The following THRAP3 variants were observed in gnomAD, a reference collection of about 807,000 sequenced individuals.
THRAP3 encodes the protein thyroid hormone receptor-associated protein 3.
In THRAP3, 16 loss-of-function variants were observed where a neutral mutation model predicts 101.0. The observed-to-expected ratio is 0.16, with a 90% CI of 0.11 to 0.24. The LOEUF is 0.24. THRAP3 is among the 10% of genes least tolerant of loss of function. The pLI is 1.00. For missense variants in THRAP3, 989 were observed against 1,202.7 expected, an observed-to-expected ratio of 0.82 and a Z score of 2.63; for synonymous variants, 407 against 422.6, an observed-to-expected ratio of 0.96 and a Z score of 0.45.
At position 36,289,638 on chromosome 1, in the gene THRAP3, A is replaced by C. The variant is rs1241368025; in HGVS notation, c.1619A>C (p.Lys540Thr). 6.2e-7 allele frequency: 1 copy of C among 1,614,088 alleles called. No homozygotes were observed. Among genetic ancestry groups the C allele is most frequent in the South Asian group, 1.1e-5 (1 of 91,078 alleles). Reference protein sequence around the residue: ...QEKSSSPPPRKTSESRDKLGA... With the variant: ...QEKSSSPPPRTTSESRDKLGA... ...AAAAGCTCATCACCTCCCCCAAGAA[A>C]GACCTCTGAGAGCCGAGACAAGCTG... Residue 540 changes from lysine to threonine, a missense_variant, in exon 5 of 12, where the codon AAG becomes ACG. Coordinates refer to ENST00000354618, the MANE Select transcript of THRAP3 (RefSeq NM_005119.4).
intron 1 of THRAP3, among the ~76,000 whole-genome samples, chr1:36,232,955 A>ACCACTG (rs1553190948): frequency 1.3e-5 from 2 of 149,640 alleles, no homozygotes; most frequent in South Asian, 2.1e-4. Context: ...GCTCACTGCA[A>ACCACTG]CCTCCCAGAT....
chr1:36,282,313 A>G (rs1332544943), intron 2 of THRAP3, among the ~76,000 whole-genome samples: 1 of 151,212 alleles, frequency 6.6e-6, no homozygotes, highest in Non-Finnish European at 1.5e-5. Context: ...AGCTCACTGT[A>G]ACTTTGCACT....
At chr1:36,265,098 C>T (rs998995461) in intron 2 of THRAP3, among the ~76,000 whole-genome samples, 5 of 152,138 alleles carry the variant, frequency 3.3e-5, no homozygotes, top group African/African-American at 1.2e-4. Flanking sequence ...TAGGACTTCC[C>T]ATATATGATT....
chr1:36,282,668 A>T lies in THRAP3; in HGVS notation c.105A>T (p.Arg35=). The change falls in exon 3 of 12, where the codon CGA becomes CGT. Residue 35 remains arginine, a synonymous_variant. Transcript: ENST00000354618. ...TTTCGAAGTCTCGGTCCCGAAGCCG[A>T]TCTCTCTCTCGTTCAAGGAAGCGCA... The part of the protein sequence containing the change: ...RSFSKSRSRS[R]SLSRSRKRRL... 6.2e-7 allele frequency: 1 copy of T among 1,614,106 alleles called. No individual in the cohort carries two copies. The highest frequency in any genetic ancestry group is 8.5e-7 in the Non-Finnish European group (1 of 1,180,004).
Position 36,305,183 on chromosome 1 carries a change from C to G in THRAP3, c.*1166C>G, listed in dbSNP as rs768051606. The G allele has an allele frequency of 9.1e-6, 2 of 219,180 alleles. No homozygotes were observed. The highest frequency in any genetic ancestry group is 1.8e-5 in the Non-Finnish European group (2 of 109,356). 13.6% of individuals were successfully genotyped at this position (219,180 alleles called of 1,614,324 possible). ...TTATATGCGGACTGCACCCACCTCT[C>G]CCCCCCAGCCTTTGCCTCTTGCGTT... On this transcript the variant is annotated 3_prime_UTR_variant, in exon 12 of 12. Transcript: ENST00000354618.
intron 1 of THRAP3, among the ~76,000 whole-genome samples, chr1:36,228,137 T>C (rs962499474): frequency 6.6e-6 from 1 of 151,430 alleles, no homozygotes; most frequent in African/African-American, 2.4e-5. Context: ...ACCTCTGTCT[T>C]CCAGGTTCAA....
chr1:36,234,231 C>T (rs1483316962), intron 1 of THRAP3, among the ~76,000 whole-genome samples: 6 of 152,152 alleles, frequency 3.9e-5, no homozygotes, highest in Admixed American at 3.3e-4. Flanking sequence ...CCACCACACC[C>T]GGCCAACATT....
At chr1:36,264,420 G>A (rs1441892358) in intron 2 of THRAP3, among the ~76,000 whole-genome samples, 1 of 152,214 alleles carries the variant, frequency 6.6e-6, no homozygotes, top group Non-Finnish European at 1.5e-5. Context: ...GGAATGGGTG[G>A]CAGAGCCAAG....
intron 1 of THRAP3, among the ~76,000 whole-genome samples, chr1:36,242,614 G>C (rs1176575961): frequency 6.6e-6 from 1 of 151,838 alleles, no homozygotes; most frequent in South Asian, 2.1e-4. Flanking sequence ...CACCACGCTC[G>C]GCTAATTTTT....
Position 36,244,031 on chromosome 1 carries a change from C to G in THRAP3, c.-134-15351C>G, listed in dbSNP as rs1445805173. ...TGGCCGGGCGGGGGGCTGACCCCCC[C>G]ACCTCCCTCCCGGACGGGGCGGCTG... is the stretch of plus-strand genomic sequence containing the variant. On this transcript the variant is annotated intron_variant, in intron 1 of 11. Coordinates refer to ENST00000354618, the MANE Select transcript of THRAP3 (RefSeq NM_005119.4). Among the ~76,000 whole-genome samples, 6 of 141,128 alleles carry G rather than the reference C, an allele frequency of 4.3e-5. No homozygotes were observed. The East Asian group carries it at 6.8e-4, about 16-fold the overall frequency. 92.6% of individuals were successfully genotyped at this position (141,128 alleles called of 152,430 possible).
At chr1:36,284,219 T>C (rs1474640062) in intron 3 of THRAP3, among the ~76,000 whole-genome samples, 2 of 152,236 alleles carry the variant, frequency 1.3e-5, no homozygotes, top group African/African-American at 4.8e-5. Context: ...GGCAGTTCTT[T>C]TCTCCTTGTT....
At chr1:36,249,412 C>T (rs1250693450) in intron 1 of THRAP3, among the ~76,000 whole-genome samples, 1 of 152,004 alleles carries the variant, frequency 6.6e-6, no homozygotes, top group East Asian at 1.9e-4. Flanking sequence ...AGGATGATCT[C>T]CATCTCCTGA....
Position 36,304,221 on chromosome 1 carries a change from A to G in THRAP3, c.*204A>G, listed in dbSNP as rs1646067722. ...AGGCTGGCCATGGGGCCCAGGGGTC[A>G]GGCCCAGCTTTTGAGCAGAATACAA... On this transcript the variant is annotated 3_prime_UTR_variant, in exon 12 of 12. Transcript: ENST00000354618. 1 of 657,188 alleles carries G rather than the reference A, an allele frequency of 1.5e-6. No homozygotes were observed. Among genetic ancestry groups the G allele is most frequent in the Non-Finnish European group, 2.3e-6 (1 of 429,706 alleles). The allele number at this position is 657,188 out of a possible 1,614,324, so 40.7% of individuals were successfully genotyped here.
chr1:36,235,974 C>T (rs1384993158), intron 1 of THRAP3, among the ~76,000 whole-genome samples: 5 of 151,850 alleles, frequency 3.3e-5, no homozygotes, highest in African/African-American at 4.8e-5. Flanking sequence ...TCGGACTGGG[C>T]GTGGTTGCTC....
At chr1:36,228,402 GAGAC>G (rs775447919) in intron 1 of THRAP3, among the ~76,000 whole-genome samples, 11 of 152,294 alleles carry the variant, frequency 7.2e-5, no homozygotes, top group Non-Finnish European at 1.6e-4. Flanking sequence ...ATTTTTAGTA[GAGAC>G]AGACAGGGTT....
At chr1:36,209,110 G>A in the THRAP3 span, among the ~76,000 whole-genome samples, 4 of 150,870 alleles carry the variant, frequency 2.7e-5, no homozygotes, top group African/African-American at 7.3e-5. Context: ...TCAAGTAGCT[G>A]GAACTACAGG....
rs1553121666 is a variant in THRAP3, at chr1:36,270,571, G to GGTTTTTTTT, written c.-32+11087_-32+11088insGTTTTTTTT. Among the ~76,000 whole-genome samples the GGTTTTTTTT allele has an allele frequency of 1.0e-3, 33 of 31,886 alleles. 1 individual carries two copies. The highest frequency in any genetic ancestry group is 2.3e-3 in the African/African-American group (33 of 14,190). The allele number at this position is 31,886 out of a possible 152,430, so 20.9% of individuals were successfully genotyped here. A position where few individuals can be genotyped will look rare whatever the true frequency, so the allele number is the denominator to read the frequency against. On this transcript the variant is annotated intron_variant, in intron 2 of 11. Coordinates refer to ENST00000354618, the MANE Select transcript of THRAP3 (RefSeq NM_005119.4). ...TAAAAATACAGTTCTATTTGTTTAG[G>GGTTTTTTTT]TTTTTGTTTTTTTTTTTTTTTTTGA...
upstream of THRAP3, among the ~76,000 whole-genome samples, chr1:36,223,122 CAATAAATAAATA>C (rs546686168): frequency 2.0e-5 from 3 of 151,556 alleles, no homozygotes; most frequent in African/African-American, 4.9e-5. Flanking sequence ...GGGAGAATCT[CAATAAATAAATA>C]AATAAATAAA....
intron 1 of THRAP3, 106 bp from the exon 2 acceptor site, chr1:36,259,276 A>G: frequency 2.5e-6 from 1 of 395,738 alleles, no homozygotes; most frequent in Non-Finnish European, 4.5e-6. Flanking sequence ...CTTTTGGAGT[A>G]AAGCTGAGGG....
Sources: allele counts gnomAD v4.1 joint callset (sites outside exome capture counted in the v4.1 genomes callset), GRCh38; gene constraint gnomAD v4.1.1; transcripts MANE v1.5; gene names NCBI Gene and HGNC (gene_info 2026-07-23, HGNC 2026-07-21).